TPD52L1: variants seen among roughly 807,000 people sequenced by gnomAD.
The protein encoded by TPD52L1 is TPD52 like 1.
In TPD52L1, 18 loss-of-function variants were observed where a neutral mutation model predicts 28.7. The ratio of observed to expected loss-of-function variants is 0.63; its 90% CI spans 0.43 to 0.93. The LOEUF (loss-of-function observed/expected upper bound fraction) is 0.93, where lower values mean the gene tolerates loss of function less well. Among genes scored for constraint, TPD52L1 ranks in the 40% least tolerant of loss-of-function variants. The probability of loss-of-function intolerance (pLI) is 0.00; values close to 1 mark genes in which losing one functional copy is unlikely to be tolerated. For synonymous variants in TPD52L1, 75 were observed against 88.8 expected (o/e 0.84, Z 0.88); for missense variants, 203 against 254.8 (o/e 0.80, Z 1.39).
chr6:125,235,642 A>C (rs1015342690), intron 3 of TPD52L1, among the ~76,000 whole-genome samples: 1 of 152,136 alleles, frequency 6.6e-6, no homozygotes, highest in African/African-American at 2.4e-5. Context: ...CTTGAAAATC[A>C]TTTCCCGACA....
chr6:125,254,588 G>C (rs1266213645), intron 5 of TPD52L1, among the ~76,000 whole-genome samples: 1 of 152,032 alleles, frequency 6.6e-6, no homozygotes, highest in Admixed American at 6.6e-5. Flanking sequence ...TTCAGTCAGA[G>C]CTATGCCTCT....
chr6:125,230,628 T>G (rs1377360003), intron 3 of TPD52L1, among the ~76,000 whole-genome samples: 1 of 152,194 alleles, frequency 6.6e-6, no homozygotes, highest in Non-Finnish European at 1.5e-5. Flanking sequence ...GTAAGCCTTT[T>G]TGCTCCTATG....
intron 3 of TPD52L1, among the ~76,000 whole-genome samples, chr6:125,229,715 A>G (rs1490396558): frequency 6.6e-6 from 1 of 152,116 alleles, no homozygotes; most frequent in Non-Finnish European, 1.5e-5. Context: ...TACAAAGAAA[A>G]CCTTGTACTT....
chr6:125,156,301 C>T (rs1790112177), intron 1 of TPD52L1, among the ~76,000 whole-genome samples: 2 of 151,608 alleles, frequency 1.3e-5, no homozygotes, highest in Admixed American at 6.6e-5. Context: ...CTCATCTCTA[C>T]AAAAAATAAA....
chr6:125,211,607 A>G (rs139304580), intron 1 of TPD52L1, among the ~76,000 whole-genome samples: 509 of 152,280 alleles, frequency 3.3e-3, no homozygotes, highest in Non-Finnish European at 5.6e-3. Context: ...CAAAGGTTCA[A>G]GTAGGTGATC....
intron 1 of TPD52L1, among the ~76,000 whole-genome samples, chr6:125,155,497 G>T (rs1180446250): frequency 5.3e-5 from 8 of 152,230 alleles, no homozygotes; most frequent in Admixed American, 5.2e-4. Context: ...TTGCTTTATT[G>T]CTTTGCTTTA....
intron 2 of TPD52L1, among the ~76,000 whole-genome samples, chr6:125,223,345 G>A (rs1044479460): frequency 3.3e-5 from 5 of 152,050 alleles, no homozygotes; most frequent in African/African-American, 1.2e-4. Context: ...GACTTCTTTT[G>A]GTAGGAAACG....
intron 2 of TPD52L1, among the ~76,000 whole-genome samples, chr6:125,226,030 C>T (rs762874141): frequency 6.6e-6 from 1 of 152,170 alleles, no homozygotes; most frequent in Non-Finnish European, 1.5e-5. Context: ...CTCATTGTGG[C>T]AGGACTCTTG....
intron 3 of TPD52L1, among the ~76,000 whole-genome samples, chr6:125,233,319 T>C (rs187306061): frequency 7.9e-5 from 12 of 152,340 alleles, no homozygotes; most frequent in Admixed American, 2.6e-4. Flanking sequence ...TTATGATTTA[T>C]TTACTCTTTG....
At chr6:125,216,525 GTGTGTATATA>G (rs1461282998) in intron 1 of TPD52L1, among the ~76,000 whole-genome samples, 2,008 of 104,792 alleles carry the variant, frequency 0.019, 35 homozygotes, top group South Asian at 0.026. Context: ...TTCAGTATGT[GTGTGTATATA>G]TATATATATA....
intron 1 of TPD52L1, among the ~76,000 whole-genome samples, chr6:125,191,624 A>C (rs1168478539): frequency 6.6e-6 from 1 of 152,214 alleles, no homozygotes; most frequent in African/African-American, 2.4e-5. Context: ...AGTTCATCAA[A>C]ATAGAGAAAC....
intron 1 of TPD52L1, among the ~76,000 whole-genome samples, chr6:125,186,339 T>C (rs1404219383): frequency 6.6e-6 from 1 of 152,178 alleles, no homozygotes; most frequent in African/African-American, 2.4e-5. Flanking sequence ...CATTGTAATA[T>C]CAAATGGGTA....
chr6:125,165,076 T>TA (rs1243786210), intron 1 of TPD52L1, among the ~76,000 whole-genome samples: 2 of 49,960 alleles, frequency 4.0e-5, no homozygotes, highest in Non-Finnish European at 6.8e-5. Flanking sequence ...CCCTGTCTCT[T>TA]AAAAAAAAGA....
intron 3 of TPD52L1, 38 bp downstream of exon 3, chr6:125,229,304 T>C: frequency 6.4e-7 from 1 of 1,568,614 alleles, no homozygotes; most frequent in Non-Finnish European, 8.6e-7. Flanking sequence ...TAACTCAGCC[T>C]GATGTCTCCT....
intron 3 of TPD52L1, among the ~76,000 whole-genome samples, chr6:125,237,330 T>A (rs923284513): frequency 6.6e-6 from 1 of 151,964 alleles, no homozygotes; most frequent in Non-Finnish European, 1.5e-5. Context: ...CCCCGGTGAG[T>A]GATGATGGCG....
intron 3 of TPD52L1, among the ~76,000 whole-genome samples, chr6:125,238,760 T>C (rs987574488): frequency 6.6e-6 from 1 of 152,198 alleles, no homozygotes; most frequent in African/African-American, 2.4e-5. Context: ...AAAGCAAGAT[T>C]TAAATGTAGT....
At chr6:125,220,243 G>T (rs1188878919) in intron 2 of TPD52L1, 50 bp downstream of exon 2, 3 of 1,165,948 alleles carry the variant, frequency 2.6e-6, no homozygotes, top group Non-Finnish European at 3.8e-6. Context: ...GATCTTAAGA[G>T]TTATTATTAG....
chr6:125,258,320 C>T (rs540076122), intron 6 of TPD52L1, among the ~76,000 whole-genome samples: 1 of 152,196 alleles, frequency 6.6e-6, no homozygotes. Context: ...TGCATGCCAA[C>T]ATCATCGCTT....
intron 3 of TPD52L1, among the ~76,000 whole-genome samples, chr6:125,236,258 A>T (rs1253810087): frequency 6.6e-6 from 1 of 152,216 alleles, no homozygotes; most frequent in Non-Finnish European, 1.5e-5. Flanking sequence ...GTATAGCTGA[A>T]TTTTAACCAT....
Sources: allele counts gnomAD v4.1 joint callset (sites outside exome capture counted in the v4.1 genomes callset), GRCh38; gene constraint gnomAD v4.1.1; transcripts MANE v1.5; gene names NCBI Gene and HGNC (gene_info 2026-07-23, HGNC 2026-07-21).